PTPRE: variants seen among roughly 807,000 people sequenced by gnomAD.
PTPRE encodes protein tyrosine phosphatase receptor type E.
Under a neutral mutation model 102.0 loss-of-function variants are expected in PTPRE, and 51 were observed. That is an observed-to-expected ratio of 0.50 (90% CI 0.40 to 0.63). The LOEUF (loss-of-function observed/expected upper bound fraction) is 0.63, where lower values mean the gene tolerates loss of function less well. Ranked by LOEUF, PTPRE falls within the 30% of genes least tolerant of loss-of-function variation. PTPRE has a pLI of 0.00. For missense variants in PTPRE, 752 were observed against 915.1 expected, an observed-to-expected ratio of 0.82 and a Z score of 2.30; for synonymous variants, 345 against 348.2, an observed-to-expected ratio of 0.99 and a Z score of 0.10.
chr10:127,971,550 C>T (rs953202726), intron 1 of PTPRE, among the ~76,000 whole-genome samples: 7 of 152,220 alleles, frequency 4.6e-5, no homozygotes, highest in Admixed American at 4.6e-4. Flanking sequence ...GCTGTCCTCG[C>T]AGGTACTAGC....
intron 18 of PTPRE, among the ~76,000 whole-genome samples, 162 bp downstream of exon 18, chr10:128,076,890 A>G (rs985208606): frequency 1.3e-5 from 2 of 152,322 alleles, no homozygotes; most frequent in Middle Eastern, 3.4e-3. Flanking sequence ...AGACAGTGGC[A>G]GGCCTCCTGT....
chr10:128,021,366 C>T (rs186925417), intron 2 of PTPRE, among the ~76,000 whole-genome samples: 27 of 152,314 alleles, frequency 1.8e-4, no homozygotes, highest in African/African-American at 5.8e-4. Context: ...CGACCTCCTG[C>T]GAGCCTCCTT....
chr10:127,941,524 TTTC>T (rs1342239720), intron 1 of PTPRE, among the ~76,000 whole-genome samples: 1 of 152,238 alleles, frequency 6.6e-6, no homozygotes, highest in Non-Finnish European at 1.5e-5. Flanking sequence ...TCTTCTGATT[TTTC>T]AAGAGAAGCT....
rs775878798 is a variant in PTPRE, at chr10:128,073,230, G to A, written c.1465-107G>A. Reference sequence around the variant, plus strand: ...GGGTCTGGTGCAGACCATGGAGGATGAGAGAGTTTTCCTCATTAGGCCTTA... The same window carrying A: ...GGGTCTGGTGCAGACCATGGAGGATAAGAGAGTTTTCCTCATTAGGCCTTA... On this transcript the variant is annotated intron_variant, in intron 16 of 20. Coordinates refer to ENST00000254667, the MANE Select transcript of PTPRE (RefSeq NM_006504.6). The A allele has an allele frequency of 5.4e-6, 8 of 1,468,530 alleles. No individual in the cohort carries two copies. In the Admixed American group the frequency reaches 1.4e-4, roughly 25 times the overall value. The allele number at this position is 1,468,530 out of a possible 1,614,324, so 91.0% of individuals were successfully genotyped here. A position where few individuals can be genotyped will look rare whatever the true frequency, so the allele number is the denominator to read the frequency against.
At chr10:127,967,790 C>T (rs1365012971) in intron 1 of PTPRE, among the ~76,000 whole-genome samples, 1 of 152,188 alleles carries the variant, frequency 6.6e-6, no homozygotes, top group Non-Finnish European at 1.5e-5. Context: ...CCTTATTGCT[C>T]TTCCAGTCCC....
chr10:128,063,650 CA>C, intron 10 of PTPRE, among the ~76,000 whole-genome samples: 2 of 152,210 alleles, frequency 1.3e-5, no homozygotes, highest in South Asian at 2.1e-4. Context: ...GTTTCTAATT[CA>C]AAAAAGGATG....
rs763714921 is a variant in PTPRE, at chr10:128,047,822, A to G, written c.268A>G (p.Ile90Val). 3 of 1,602,562 alleles carry G rather than the reference A, an allele frequency of 1.9e-6. No homozygotes were observed. The highest frequency in any genetic ancestry group is 2.6e-6 in the Non-Finnish European group (3 of 1,171,184). The change falls in exon 5 of 21, where the codon ATC becomes GTC. Residue 90 changes from isoleucine (I) to valine (V), a missense_variant. Physicochemically the swap from Ile to Val is conservative, Grantham distance 29. This residue lies in a region of PTPRE where 636 missense variants were observed against 824.4 expected (regional missense o/e 0.77). Coordinates refer to ENST00000254667, the MANE Select transcript of PTPRE (RefSeq NM_006504.6). ...STSDKKMPNGILEEQEQQRVM... is the reference protein window; with the variant it reads ...STSDKKMPNGVLEEQEQQRVM... ...CAGCGACAAGAAGATGCCCAACGGA[A>G]TCTTGGAGGAGCAAGGTACAGAAGC...
intron 20 of PTPRE, among the ~76,000 whole-genome samples, chr10:128,082,242 G>C (rs1851792959): frequency 9.5e-6 from 1 of 105,590 alleles, no homozygotes; most frequent in Admixed American, 1.6e-4. Flanking sequence ...GTCTCACTCT[G>C]TCACCTAGGC....
intron 2 of PTPRE, among the ~76,000 whole-genome samples, chr10:128,004,359 T>C (rs1854295512): frequency 6.6e-6 from 1 of 152,040 alleles, no homozygotes; most frequent in Non-Finnish European, 1.5e-5. Flanking sequence ...TCTACTTAGA[T>C]ACAACATATT....
intron 7 of PTPRE, among the ~76,000 whole-genome samples, chr10:128,059,069 G>A (rs1289925711): frequency 6.6e-6 from 1 of 152,162 alleles, no homozygotes; most frequent in African/African-American, 2.4e-5. Context: ...TGACTTTTTA[G>A]AATAAAAAGA....
chr10:127,935,782 A>G (rs911908967), intron 1 of PTPRE, among the ~76,000 whole-genome samples: 5 of 152,078 alleles, frequency 3.3e-5, no homozygotes, highest in African/African-American at 9.7e-5. Context: ...CCAGACATTC[A>G]CAGGGACCCC....
chr10:128,032,160 C>T (rs536032251), intron 2 of PTPRE, among the ~76,000 whole-genome samples: 10 of 152,104 alleles, frequency 6.6e-5, no homozygotes, highest in Middle Eastern at 3.4e-3. Flanking sequence ...GGATTACAGG[C>T]GCCTGCCACC....
chr10:128,009,835 C>T (rs146109003), intron 2 of PTPRE, among the ~76,000 whole-genome samples: 10 of 152,316 alleles, frequency 6.6e-5, no homozygotes, highest in Non-Finnish European at 1.3e-4. Flanking sequence ...ATGAAGACAA[C>T]AACATTTCTC....
chr10:127,995,979 G>T (rs1853223450), intron 2 of PTPRE, among the ~76,000 whole-genome samples: 2 of 152,170 alleles, frequency 1.3e-5, no homozygotes, highest in Non-Finnish European at 2.9e-5. Context: ...TAGCCTACAT[G>T]CTGCTGTCTT....
At chr10:128,030,325 C>T (rs1467899651) in intron 2 of PTPRE, among the ~76,000 whole-genome samples, 2 of 152,180 alleles carry the variant, frequency 1.3e-5, no homozygotes, top group African/African-American at 2.4e-5. Context: ...TCTCTTGTTT[C>T]ACTCATTGGG....
chr10:128,002,504 G>A (rs1854027011), intron 2 of PTPRE, among the ~76,000 whole-genome samples: 1 of 151,980 alleles, frequency 6.6e-6, no homozygotes, highest in African/African-American at 2.4e-5. Context: ...TGCGTAGGTA[G>A]GCAGGAAAAG....
intron 1 of PTPRE, among the ~76,000 whole-genome samples, chr10:127,975,738 C>T (rs1012969634): frequency 2.6e-5 from 4 of 152,202 alleles, no homozygotes; most frequent in Non-Finnish European, 2.9e-5. Context: ...TTACCATTAG[C>T]GTCAGGCACC....
intron 2 of PTPRE, among the ~76,000 whole-genome samples, chr10:127,993,435 A>G (rs1852892518): frequency 6.6e-6 from 1 of 152,168 alleles, no homozygotes. Context: ...TGTGGAAGCC[A>G]TGCCTGACTG....
At chr10:127,999,189 T>G (rs528538729) in intron 2 of PTPRE, 2 of 152,292 alleles carry the variant, frequency 1.3e-5, no homozygotes, top group East Asian at 3.9e-4. Flanking sequence ...TGTTGTACAC[T>G]TTTTTGTTAA....
Sources: gnomAD v4.1 joint callset for allele counts (sites outside exome capture counted in the v4.1 genomes callset) on GRCh38, gnomAD v4.1.1 for gene constraint, gnomAD v4.1.1 regional missense constraint, MANE v1.5 for transcripts, NCBI Gene and HGNC (gene_info 2026-07-23, HGNC 2026-07-21) for gene names.